Variants in FOXL3 observed in about 807,000 individuals in gnomAD.
The protein encoded by FOXL3 is forkhead box protein L3.
In FOXL3, 16 loss-of-function variants were observed where a neutral mutation model predicts 10.9. That is an observed-to-expected ratio of 1.46 (90% CI 0.99 to 2.22). The LOEUF is 2.22. Among genes scored for constraint, FOXL3 ranks in the 30% most tolerant of loss-of-function variants. The pLI, the probability that FOXL3 is intolerant of heterozygous loss-of-function variation, is 0.00. For synonymous variants in FOXL3, 170 were observed against 152.0 expected (o/e 1.12, Z -0.87); for missense variants, 400 against 337.9 (o/e 1.18, Z -1.44).
chr7:291,376 A>G lies in FOXL3; in HGVS notation c.590A>G (p.Asp197Gly). ...CCCCGGGACCTCAAGTTCAGCATCG[A>G]CTACATCCTGTCCTCCCCAGACCCC... ...EHPRDLKFSI[D>G]YILSSPDPFP... Residue 197 changes from aspartate to glycine, a missense_variant, in exon 3 of 3, where the codon GAC (aspartate) becomes GGC (glycine). Asp to Gly is a moderately conservative substitution (Grantham distance 94, BLOSUM62 -1). Coordinates refer to ENST00000506382, the MANE Select transcript of FOXL3 (RefSeq NM_001374838.1). The G allele has an allele frequency of 7.6e-7, 1 of 1,319,364 alleles. No individual in the cohort carries two copies. Among genetic ancestry groups the G allele is most frequent in the South Asian group, 2.2e-5 (1 of 45,830 alleles). The allele number at this position is 1,319,364 out of a possible 1,614,324, so 81.7% of individuals were successfully genotyped here. A position where few individuals can be genotyped will look rare whatever the true frequency, so the allele number is the denominator to read the frequency against.
intron 2 of FOXL3, 24 bp downstream of exon 2, chr7:290,845 C>A: frequency 7.2e-7 from 1 of 1,393,998 alleles, no homozygotes; most frequent in Non-Finnish European, 9.3e-7. Flanking sequence ...CCGACGGGCC[C>A]CGGGTGTCCC....
In FOXL3 at chr7:291,330, G is replaced by T; in HGVS notation, c.544G>T (p.Ala182Ser). ...GGGCCGTGAGCCCCCCGCCAGCCCCGCTCCCCCGGGGAAGGAGCACCCCCG... is the reference window on the plus strand; with the variant it reads ...GGGCCGTGAGCCCCCCGCCAGCCCCTCTCCCCCGGGGAAGGAGCACCCCCG... ...APGREPPASP[A>S]PPGKEHPRDL... The change falls in exon 3 of 3, where the codon GCT becomes TCT. Residue 182 changes from alanine (A) to serine (S), a missense_variant. Coordinates refer to ENST00000506382, the MANE Select transcript of FOXL3 (RefSeq NM_001374838.1). 2 of 1,269,594 alleles carry T rather than the reference G, an allele frequency of 1.6e-6. No homozygotes were observed. The highest frequency in any genetic ancestry group is 2.0e-6 in the Non-Finnish European group (2 of 1,007,234). The allele number at this position is 1,269,594 out of a possible 1,614,324, so 78.6% of individuals were successfully genotyped here.
In FOXL3 at chr7:291,157, A is replaced by G; in HGVS notation, c.371A>G (p.Asn124Ser). Residue 124 changes from asparagine to serine, a missense_variant, in exon 3 of 3, where the codon AAC becomes AGC. Coordinates refer to ENST00000506382, the MANE Select transcript of FOXL3 (RefSeq NM_001374838.1). ...ESLLDLFENG[N>S]YRRRRRRRGP... ...CTGCTGGACCTCTTCGAGAACGGCAACTACCGGCGGCGGCGGCGGCGGCGC... is the reference window on the plus strand; with the variant it reads ...CTGCTGGACCTCTTCGAGAACGGCAGCTACCGGCGGCGGCGGCGGCGGCGC... 2.3e-6 allele frequency: 3 copies of G among 1,311,992 alleles called. No homozygotes were observed. The highest frequency in any genetic ancestry group is 2.9e-6 in the Non-Finnish European group (3 of 1,028,474). 81.3% of individuals were successfully genotyped at this position (1,311,992 alleles called of 1,614,324 possible).
chr7:291,373 T>C lies in FOXL3; in HGVS notation c.587T>C (p.Ile196Thr). Residue 196 changes from isoleucine (I) to threonine (T), a missense_variant, in exon 3 of 3, where the codon ATC (isoleucine) becomes ACC (threonine). Ile to Thr is a moderately conservative substitution (Grantham distance 89). Coordinates refer to ENST00000506382, the MANE Select transcript of FOXL3 (RefSeq NM_001374838.1). ...KEHPRDLKFS[I>T]DYILSSPDPF... ...CACCCCCGGGACCTCAAGTTCAGCA[T>C]CGACTACATCCTGTCCTCCCCAGAC... The C allele has an allele frequency of 7.6e-7, 1 of 1,319,894 alleles. No homozygotes were observed. The highest frequency in any genetic ancestry group is 9.7e-7 in the Non-Finnish European group (1 of 1,034,212). 81.8% of individuals were successfully genotyped at this position (1,319,894 alleles called of 1,614,324 possible). A position where few individuals can be genotyped will look rare whatever the true frequency, so the allele number is the denominator to read the frequency against.
chr7:290,926 C>T (rs1341187356), intron 2 of FOXL3, 105 bp downstream of exon 2: 1 of 1,289,318 alleles, frequency 7.8e-7, no homozygotes, highest in Non-Finnish European at 9.9e-7. Context: ...TCAGGGAGGT[C>T]CGTCCTCAGC....
At chr7:290,341 G>C in intron 1 of FOXL3, 65 bp downstream of exon 1, 1 of 1,253,906 alleles carries the variant, frequency 8.0e-7, no homozygotes, top group Non-Finnish European at 1.1e-6. Context: ...GTCCCAGGTA[G>C]CCGGGACCTG....
chr7:290,934 AG>A (rs1778631877), intron 2 of FOXL3, 113 bp downstream of exon 2: 6 of 1,283,980 alleles, frequency 4.7e-6, no homozygotes, highest in Non-Finnish European at 5.9e-6. Context: ...GTCCGTCCTC[AG>A]CCCACGGGGC....
chr7:290,185 C>T lies in FOXL3; in HGVS notation c.16C>T (p.Gln6Ter). 6.5e-7 allele frequency: 1 copy of T among 1,535,672 alleles called. No individual in the cohort carries two copies. The highest frequency in any genetic ancestry group is 1.4e-5 in the African/African-American group (1 of 73,176). The change falls in exon 1 of 3, where the codon CAG becomes TAG. Residue 6 changes from glutamine to a stop codon, truncating the protein, a stop_gained. Coordinates refer to ENST00000506382, the MANE Select transcript of FOXL3 (RefSeq NM_001374838.1). LOFTEE classifies it high-confidence loss of function. MFDSS[Q>*]YPYNCFNYDA... is the part of the protein sequence containing the mutation. ...GCGCGCCAGGATGTTTGACAGCTCG[C>T]AGTATCCCTACAACTGCTTCAATTA...
intron 2 of FOXL3, 113 bp downstream of exon 2, chr7:290,934 A>G (rs1778631791): frequency 3.9e-6 from 5 of 1,283,872 alleles, no homozygotes; most frequent in African/African-American, 1.6e-5. Flanking sequence ...GTCCGTCCTC[A>G]GCCCACGGGG....
chr7:291,265 A>T lies in FOXL3; in HGVS notation c.479A>T (p.Gln160Leu). ...PSGPSEPPAA[Q>L]GRLAPDSAGE... ...GGTCCGTCCGAGCCGCCCGCCGCTCAGGGGCGCCTGGCCCCGGACAGCGCT... is the reference window on the plus strand; with the variant it reads ...GGTCCGTCCGAGCCGCCCGCCGCTCTGGGGCGCCTGGCCCCGGACAGCGCT... The change falls in exon 3 of 3, where the codon CAG (glutamine) becomes CTG (leucine). Residue 160 changes from glutamine to leucine, a missense_variant. Coordinates refer to ENST00000506382, the MANE Select transcript of FOXL3 (RefSeq NM_001374838.1). 2 of 1,195,952 alleles carry T rather than the reference A, an allele frequency of 1.7e-6. No individual in the cohort carries two copies. The highest frequency in any genetic ancestry group is 2.1e-6 in the Non-Finnish European group (2 of 964,544). The allele number at this position is 1,195,952 out of a possible 1,614,324, so 74.1% of individuals were successfully genotyped here.
In FOXL3 at chr7:291,242, T is replaced by G. The variant is rs895329295; in HGVS notation, c.456T>G (p.Gly152=). Residue 152 remains glycine (G), a synonymous_variant, in exon 3 of 3, where the codon GGT becomes GGG. Transcript: ENST00000506382. ...CGGGGGGCGCCCAGGGGCCGTCGGG[T>G]CCGTCCGAGCCGCCCGCCGCTCAGG... The part of the protein sequence containing the change: ...PRAGGAQGPS[G]PSEPPAAQGR... 1.1e-5 allele frequency: 13 copies of G among 1,165,368 alleles called. No individual in the cohort carries two copies. The highest frequency in any genetic ancestry group is 1.6e-5 in the African/African-American group (1 of 61,262). 72.2% of individuals were successfully genotyped at this position (1,165,368 alleles called of 1,614,324 possible). A position where few individuals can be genotyped will look rare whatever the true frequency, so the allele number is the denominator to read the frequency against.
chr7:290,222 A>G lies in FOXL3; in HGVS notation c.53A>G (p.Asp18Gly), dbSNP rs769872047. 1,297 of 1,535,826 alleles carry G rather than the reference A, an allele frequency of 8.4e-4. 2 individuals carry two copies. Among genetic ancestry groups the G allele is most frequent in the Non-Finnish European group, 8.9e-4 (1,017 of 1,146,788 alleles). ...AACTGCTTCAATTACGACGCCGACG[A>G]CTACCCCGCCGGCAGCTCCGACGAA... ...PYNCFNYDAD[D>G]YPAGSSDEDK... The change falls in exon 1 of 3, where the codon GAC becomes GGC. Residue 18 changes from aspartate (D) to glycine (G), a missense_variant. Coordinates refer to ENST00000506382, the MANE Select transcript of FOXL3 (RefSeq NM_001374838.1).
In FOXL3 at chr7:290,774, C is replaced by T; in HGVS notation, c.229C>T (p.Gln77Ter). The change falls in exon 2 of 3, where the codon CAG becomes TAG. Residue 77 changes from glutamine (Q) to a stop codon, truncating the protein, a stop_gained. Coordinates refer to ENST00000506382, the MANE Select transcript of FOXL3 (RefSeq NM_001374838.1). LOFTEE classifies it low-confidence loss of function (END_TRUNC). ...PYYRANQRAW[Q>*]NSIRHNLSLN... The stretch of plus-strand genomic sequence containing the variant: ...TTACCGCGCCAACCAGCGCGCCTGG[C>T]AGAACTCCATCCGCCACAACCTGTC... 1 of 1,494,244 alleles carries T rather than the reference C, an allele frequency of 6.7e-7. No homozygotes were observed. The highest frequency in any genetic ancestry group is 1.4e-5 in the South Asian group (1 of 73,650). 92.6% of individuals were successfully genotyped at this position (1,494,244 alleles called of 1,614,324 possible). A position where few individuals can be genotyped will look rare whatever the true frequency, so the allele number is the denominator to read the frequency against.
chr7:291,401 C>A lies in FOXL3; in HGVS notation c.615C>A (p.Pro205=). 1 of 1,277,506 alleles carries A rather than the reference C, an allele frequency of 7.8e-7. No homozygotes were observed. The highest frequency in any genetic ancestry group is 9.9e-7 in the Non-Finnish European group (1 of 1,010,296). 79.1% of individuals were successfully genotyped at this position (1,277,506 alleles called of 1,614,324 possible). The change falls in exon 3 of 3, where the codon CCC becomes CCA. Residue 205 remains proline, a synonymous_variant. Transcript: ENST00000506382. ...ACTACATCCTGTCCTCCCCAGACCC[C>A]TTCCCTGGGCTCAAGCCGCCCTGCC... is the stretch of plus-strand genomic sequence containing the variant. ...SIDYILSSPD[P]FPGLKPPCLA... is the part of the protein sequence containing the mutation.
At chr7:290,500 G>A (rs569660091) in intron 1 of FOXL3, among the ~76,000 whole-genome samples, 153 bp from the exon 2 acceptor site, 2 of 151,844 alleles carry the variant, frequency 1.3e-5, no homozygotes, top group South Asian at 2.1e-4. Flanking sequence ...GAGCTTCTGG[G>A]GTCTGGGTGG....
rs1421952585 is a variant in FOXL3, at chr7:290,704, G to T, written c.159G>T (p.Val53=). 36 of 1,469,308 alleles carry T rather than the reference G, an allele frequency of 2.5e-5. No homozygotes were observed. The highest frequency in any genetic ancestry group is 3.2e-5 in the Non-Finnish European group (36 of 1,116,918). 91.0% of individuals were successfully genotyped at this position (1,469,308 alleles called of 1,614,324 possible). A position where few individuals can be genotyped will look rare whatever the true frequency, so the allele number is the denominator to read the frequency against. The stretch of plus-strand genomic sequence containing the variant: ...TTCAGCAGAGCCCCGCGGGGAGGGT[G>T]ACCCTGTCCGGCATCTACGACTTCA... ...MAIQQSPAGR[V]TLSGIYDFIM... The change falls in exon 2 of 3, where the codon GTG becomes GTT. Residue 53 remains valine, a synonymous_variant. Coordinates refer to ENST00000506382, the MANE Select transcript of FOXL3 (RefSeq NM_001374838.1).
At chr7:290,865 A>G in intron 2 of FOXL3, 44 bp downstream of exon 2, 1 of 1,345,386 alleles carries the variant, frequency 7.4e-7, no homozygotes, top group Non-Finnish European at 9.5e-7. Context: ...CAGCGTGGCG[A>G]CACCTGCGCC....
rs1205893159 is a variant in FOXL3 at position 291,448 on chromosome 7, C to T, written c.662C>T (p.Pro221Leu). 8.1e-6 allele frequency: 10 copies of T among 1,240,288 alleles called. No homozygotes were observed. Among genetic ancestry groups the T allele is most frequent in the South Asian group, 3.7e-5 (1 of 26,748 alleles). The allele number at this position is 1,240,288 out of a possible 1,614,324, so 76.8% of individuals were successfully genotyped here. ...PPCLAQEGRY[P>L]RLENVGLHFW... is the part of the protein sequence containing the mutation. ...TGCCTCGCACAAGAGGGCAGATACC[C>T]GCGGCTGGAGAACGTGGGACTCCAC... is the stretch of plus-strand genomic sequence containing the variant. The change falls in exon 3 of 3, where the codon CCG becomes CTG. Residue 221 changes from proline (P) to leucine (L), a missense_variant. Coordinates refer to ENST00000506382, the MANE Select transcript of FOXL3 (RefSeq NM_001374838.1).
intron 2 of FOXL3, 51 bp downstream of exon 2, chr7:290,872 C>T (rs1478607589): frequency 4.5e-6 from 6 of 1,338,522 alleles, no homozygotes; most frequent in African/African-American, 3.1e-5. Context: ...GCGACACCTG[C>T]GCCAGGGCCT....
Sources: gnomAD v4.1 joint callset for allele counts (sites outside exome capture counted in the v4.1 genomes callset) on GRCh38, gnomAD v4.1.1 for gene constraint, MANE v1.5 for transcripts, NCBI Gene and HGNC (gene_info 2026-07-23, HGNC 2026-07-21) for gene names.